Variants in SLC22A24 observed in about 807,000 individuals in gnomAD.
SLC22A24 encodes the protein solute carrier family 22 member 24.
A neutral mutation model predicts 49.8 loss-of-function variants in SLC22A24; 53 were observed. The observed-to-expected ratio is 1.06, with a 90% CI of 0.85 to 1.34. The LOEUF (loss-of-function observed/expected upper bound fraction) is 1.34, where lower values mean the gene tolerates loss of function less well. Ranked by LOEUF, SLC22A24 falls within the 40% of genes most tolerant of loss-of-function variation. SLC22A24 has a pLI of 0.00. For synonymous variants in SLC22A24, 302 were observed against 256.4 expected (o/e 1.18, Z -1.70); for missense variants, 786 against 675.9 (o/e 1.16, Z -1.81).
At chr11:63,094,516 G>T (rs527496086) in intron 6 of SLC22A24, among the ~76,000 whole-genome samples, 3 of 152,030 alleles carry the variant, frequency 2.0e-5, no homozygotes, top group Non-Finnish European at 4.4e-5. Context: ...TGGCTGGGTC[G>T]ACTGGTATTT....
chr11:63,081,621 C>T lies in SLC22A24; in HGVS notation c.1331G>A (p.Ser444Asn), dbSNP rs2135189777. The T allele has an allele frequency of 6.4e-7, 1 of 1,551,580 alleles. No homozygotes were observed. Among genetic ancestry groups the T allele is most frequent in the East Asian group, 2.4e-5 (1 of 40,920 alleles). ...AGCACTGTTGCTAGCAGCAGAAACA[C>T]TACCAATTCCCAAAGTTGCTAAAAC... is the stretch of plus-strand genomic sequence containing the variant. Reference protein sequence around the residue: ...RVVLATLGIGSVSAASNSASV... With the variant: ...RVVLATLGIGNVSAASNSASV... The change falls in exon 8 of 10, where the codon AGT (serine) becomes AAT (asparagine). Residue 444 changes from serine to asparagine, a missense_variant. Coordinates refer to ENST00000612278, the MANE Select transcript of SLC22A24 (RefSeq NM_001136506.2).
chr11:63,107,569 G>A (rs903034778), intron 4 of SLC22A24, among the ~76,000 whole-genome samples: 3 of 152,168 alleles, frequency 2.0e-5, no homozygotes, highest in African/African-American at 4.8e-5. Context: ...CATGAGCATG[G>A]AATGTTTTTC....
intron 5 of SLC22A24, among the ~76,000 whole-genome samples, chr11:63,102,592 C>T (rs533365909): frequency 2.6e-5 from 4 of 152,156 alleles, no homozygotes; most frequent in African/African-American, 4.8e-5. Flanking sequence ...CACATGATAG[C>T]GTGGGATAGA....
At chr11:63,124,772 C>CATAAAAA (rs1007282215) in intron 2 of SLC22A24, among the ~76,000 whole-genome samples, 8 of 151,982 alleles carry the variant, frequency 5.3e-5, no homozygotes, top group Non-Finnish European at 8.8e-5. Context: ...ACTATGCAGC[C>CATAAAAA]ATAAAAAATG....
At chr11:63,121,159 A>C (rs55759366) in intron 2 of SLC22A24, among the ~76,000 whole-genome samples, 1,552 of 152,326 alleles carry the variant, frequency 0.01, 29 homozygotes, top group African/African-American at 0.035. Context: ...TAATGTATGA[A>C]TATTGGTCTA....
At chr11:63,126,869 C>T (rs532583856) in intron 2 of SLC22A24, among the ~76,000 whole-genome samples, 1 of 152,088 alleles carries the variant, frequency 6.6e-6, no homozygotes, top group East Asian at 1.9e-4. Context: ...CCATCAGATC[C>T]CTTGTAAGTT....
At chr11:63,113,430 T>C (rs6591743) in intron 4 of SLC22A24, among the ~76,000 whole-genome samples, 119,742 of 151,030 alleles carry the variant, frequency 0.79, 48,626 homozygotes, top group East Asian at 0.9. Context: ...CCTTCAGGAG[T>C]TCCTGTAAGG....
At chr11:63,087,465 C>T (rs2086994487) in intron 6 of SLC22A24, among the ~76,000 whole-genome samples, 1 of 152,176 alleles carries the variant, frequency 6.6e-6, no homozygotes, top group Admixed American at 6.5e-5. Context: ...ACCACCAGGG[C>T]CCTGGGCTTC....
intron 2 of SLC22A24, among the ~76,000 whole-genome samples, chr11:63,125,004 A>T (rs928018705): frequency 2.6e-5 from 4 of 151,924 alleles, no homozygotes; most frequent in African/African-American, 9.7e-5. Flanking sequence ...CCTAATGCTA[A>T]ATGACGAGTT....
At position 63,143,983 on chromosome 11, in the gene SLC22A24, A is replaced by T. The variant is rs981598872; in HGVS notation, c.-204T>A. ...GACTTTCCCCAAGTCCTTTAACTTT[A>T]GGCAGCCAAATAGTTTCAGAAGTCA... On this transcript the variant is annotated 5_prime_UTR_variant, in exon 1 of 10. Coordinates refer to ENST00000612278, the MANE Select transcript of SLC22A24 (RefSeq NM_001136506.2). 1 of 394,332 alleles carries T rather than the reference A, an allele frequency of 2.5e-6. No individual in the cohort carries two copies. The highest frequency in any genetic ancestry group is 4.5e-5 in the Admixed American group (1 of 22,392). 24.4% of individuals were successfully genotyped at this position (394,332 alleles called of 1,614,324 possible).
At chr11:63,091,478 C>T (rs1046391507) in intron 6 of SLC22A24, among the ~76,000 whole-genome samples, 1 of 152,194 alleles carries the variant, frequency 6.6e-6, no homozygotes, top group Non-Finnish European at 1.5e-5. Flanking sequence ...AGGCCAATAT[C>T]CCTGGTGAAC....
chr11:63,119,279 G>A lies in SLC22A24; in HGVS notation c.563C>T (p.Thr188Ile). 6.4e-7 allele frequency: 1 copy of A among 1,551,278 alleles called. No individual in the cohort carries two copies. Among genetic ancestry groups the A allele is most frequent in the Non-Finnish European group, 8.7e-7 (1 of 1,146,814 alleles). Residue 188 changes from threonine (T) to isoleucine (I), a missense_variant, in exon 3 of 10, where the codon ACC (threonine) becomes ATC (isoleucine). Coordinates refer to ENST00000612278, the MANE Select transcript of SLC22A24 (RefSeq NM_001136506.2). ...GAAGGTGGGAGCGAAGGCCGCACAG[G>A]TGTTAGAGATGGCCAGCTGGAGGAA... ...LCFLQLAISN[T>I]CAAFAPTFLV... is the part of the protein sequence containing the mutation.
At chr11:63,138,339 A>T (rs1234330244) in intron 1 of SLC22A24, among the ~76,000 whole-genome samples, 1 of 152,106 alleles carries the variant, frequency 6.6e-6, no homozygotes, top group Non-Finnish European at 1.5e-5. Flanking sequence ...AAGCTTCGCA[A>T]GCTTGAAATT....
intron 4 of SLC22A24, chr11:63,115,954 C>A: frequency 3.2e-6 from 1 of 316,170 alleles, no homozygotes; most frequent in South Asian, 8.1e-5. Context: ...GCAGCCTGGG[C>A]CTTGGTTTGA....
rs535208290 is a variant in SLC22A24 at position 63,140,083 on chromosome 11, T to G, written c.402+3295A>C. ...AGTTTTTTTGTTTTTTTGTTTTTTT[T>G]TTTTGTTTTTTTTTTTTGAGACGGG... On this transcript the variant is annotated intron_variant, in intron 1 of 9. Coordinates refer to ENST00000612278, the MANE Select transcript of SLC22A24 (RefSeq NM_001136506.2). Among the ~76,000 whole-genome samples, 89 of 60,458 alleles carry G rather than the reference T, an allele frequency of 1.5e-3. 1 individual carries two copies. In the South Asian group the frequency reaches 0.024, roughly 17 times the overall value. The allele number at this position is 60,458 out of a possible 152,430, so 39.7% of individuals were successfully genotyped here. A position where few individuals can be genotyped will look rare whatever the true frequency, so the allele number is the denominator to read the frequency against.
intron 2 of SLC22A24, among the ~76,000 whole-genome samples, chr11:63,124,830 A>T (rs1169155982): frequency 6.6e-6 from 1 of 152,148 alleles, no homozygotes; most frequent in Non-Finnish European, 1.5e-5. Flanking sequence ...GGAAATCATC[A>T]TTCTCAGTAA....
At chr11:63,141,802 A>G (rs2087417333) in intron 1 of SLC22A24, among the ~76,000 whole-genome samples, 1 of 152,260 alleles carries the variant, frequency 6.6e-6, no homozygotes, top group Admixed American at 6.5e-5. Flanking sequence ...CTTTATGCAA[A>G]TAATCAGGCC....
chr11:63,084,173 G>A (rs935909345), intron 6 of SLC22A24, among the ~76,000 whole-genome samples: 2 of 152,272 alleles, frequency 1.3e-5, no homozygotes, highest in Middle Eastern at 6.8e-3. Context: ...GGCTGCAAGG[G>A]CACTGTAGGC....
At chr11:63,088,407 C>G (rs1410202261) in intron 6 of SLC22A24, among the ~76,000 whole-genome samples, 3 of 59,632 alleles carry the variant, frequency 5.0e-5, no homozygotes, top group Non-Finnish European at 1.2e-4. Flanking sequence ...AAGGACTCCA[C>G]ACAAAAACCC....
Sources: gnomAD v4.1 joint callset for allele counts (sites outside exome capture counted in the v4.1 genomes callset) on GRCh38, gnomAD v4.1.1 for gene constraint, MANE v1.5 for transcripts, NCBI Gene and HGNC (gene_info 2026-07-23, HGNC 2026-07-21) for gene names.